ARHGAP12: variants seen among roughly 807,000 people sequenced by gnomAD.
The protein encoded by ARHGAP12 is Rho GTPase activating protein 12.
A neutral mutation model predicts 108.6 loss-of-function variants in ARHGAP12; 64 were observed. The ratio of observed to expected loss-of-function variants is 0.59; its 90% CI spans 0.48 to 0.73. The LOEUF is 0.73. Ranked by LOEUF, ARHGAP12 falls within the 30% of genes least tolerant of loss-of-function variation. ARHGAP12 has a pLI of 0.00. For missense variants in ARHGAP12, 940 were observed against 1,005.9 expected, an observed-to-expected ratio of 0.93 and a Z score of 0.89; for synonymous variants, 312 against 337.2, an observed-to-expected ratio of 0.93 and a Z score of 0.82.
intron 4 of ARHGAP12, among the ~76,000 whole-genome samples, chr10:31,860,155 C>T (rs939923676): frequency 6.6e-6 from 1 of 152,110 alleles, no homozygotes; most frequent in African/African-American, 2.4e-5. Context: ...CAAATTATTA[C>T]CAAACTAAAG....
chr10:31,907,563 G>A (rs1592368508), intron 3 of ARHGAP12, among the ~76,000 whole-genome samples: 1 of 151,306 alleles, frequency 6.6e-6, no homozygotes, highest in South Asian at 2.1e-4. Context: ...GAGCCCAGGA[G>A]GTGAAGGCTG....
chr10:31,855,846 C>T (rs942950106), intron 4 of ARHGAP12, among the ~76,000 whole-genome samples: 1 of 152,140 alleles, frequency 6.6e-6, no homozygotes, highest in African/African-American at 2.4e-5. Context: ...AAAGTAACCT[C>T]CAATATCTTC....
intron 11 of ARHGAP12, among the ~76,000 whole-genome samples, chr10:31,820,846 A>C (rs1378813658): frequency 1.3e-5 from 2 of 151,778 alleles, no homozygotes; most frequent in Non-Finnish European, 2.9e-5. Flanking sequence ...TGGGATATAA[A>C]CTGGAACTAC....
chr10:31,861,777 A>T, intron 3 of ARHGAP12, 119 bp from the exon 4 acceptor site: 11 of 863,676 alleles, frequency 1.3e-5, no homozygotes, highest in Non-Finnish European at 1.9e-5. Flanking sequence ...TATACAGGTG[A>T]ATATATTCTG....
At chr10:31,872,490 T>A (rs1035095702) in intron 3 of ARHGAP12, among the ~76,000 whole-genome samples, 1 of 152,182 alleles carries the variant, frequency 6.6e-6, no homozygotes, top group African/African-American at 2.4e-5. Context: ...GTCATCTGTA[T>A]CTCCTCTCTT....
At chr10:31,815,641 C>T (rs773179691) in intron 13 of ARHGAP12, among the ~76,000 whole-genome samples, 1 of 152,104 alleles carries the variant, frequency 6.6e-6, no homozygotes, top group Non-Finnish European at 1.5e-5. Flanking sequence ...TCAAAAATCT[C>T]GAATCTGTAA....
At chr10:31,871,799 A>T (rs1349844251) in intron 3 of ARHGAP12, among the ~76,000 whole-genome samples, 2 of 152,194 alleles carry the variant, frequency 1.3e-5, no homozygotes, top group Non-Finnish European at 2.9e-5. Flanking sequence ...CACAGTGAAA[A>T]GGAATGAAGG....
At chr10:31,895,011 T>C (rs1213393971) in intron 3 of ARHGAP12, among the ~76,000 whole-genome samples, 10 of 152,212 alleles carry the variant, frequency 6.6e-5, no homozygotes, top group Middle Eastern at 3.2e-3. Context: ...GGATTCCCTA[T>C]TTAATAAATG....
Position 31,809,049 on chromosome 10 carries a change from T to G in ARHGAP12, c.2208A>C (p.Glu736Asp). Reference sequence around the variant, plus strand: ...TAAATGTAAAAAGAGGTTCTGGTAATTCTCGAAAAAACATTTTGAGGGCTC... The same window carrying G: ...TAAATGTAAAAAGAGGTTCTGGTAAGTCTCGAAAAAACATTTTGAGGGCTC... The part of the protein sequence containing the change: ...ITGALKMFFR[E>D]LPEPLFTFNH... The change falls in exon 18 of 20, where the codon GAA becomes GAC. Residue 736 changes from glutamate to aspartate, a missense_variant. Glu to Asp is a conservative substitution (Grantham distance 45). Coordinates refer to ENST00000344936, the MANE Select transcript of ARHGAP12 (RefSeq NM_018287.7). The G allele has an allele frequency of 6.2e-7, 1 of 1,608,414 alleles. No homozygotes were observed. Among genetic ancestry groups the G allele is most frequent in the Non-Finnish European group, 8.5e-7 (1 of 1,175,450 alleles).
chr10:31,831,655 T>C (rs1284015612), intron 10 of ARHGAP12, 84 bp downstream of exon 10: 5 of 864,690 alleles, frequency 5.8e-6, no homozygotes, highest in Non-Finnish European at 8.6e-6. Flanking sequence ...CAGCACCTAT[T>C]GTTTATACTA....
intron 16 of ARHGAP12, among the ~76,000 whole-genome samples, chr10:31,810,370 C>T (rs1310438847): frequency 1.3e-5 from 2 of 152,146 alleles, no homozygotes; most frequent in African/African-American, 4.8e-5. Context: ...CTACCTTCTT[C>T]ATTTTAAGCA....
chr10:31,866,292 TA>T (rs1837317675), intron 3 of ARHGAP12, among the ~76,000 whole-genome samples: 1 of 152,208 alleles, frequency 6.6e-6, no homozygotes, highest in Non-Finnish European at 1.5e-5. Context: ...AAGAAGTTTT[TA>T]AAGACTTCAG....
At chr10:31,836,353 C>T (rs1359143748) in intron 9 of ARHGAP12, among the ~76,000 whole-genome samples, 1 of 151,964 alleles carries the variant, frequency 6.6e-6, no homozygotes, top group Admixed American at 6.6e-5. Context: ...CCACAAAAAC[C>T]TATTTAATCC....
intron 3 of ARHGAP12, among the ~76,000 whole-genome samples, chr10:31,881,350 A>G (rs1280045684): frequency 6.6e-6 from 1 of 152,196 alleles, no homozygotes; most frequent in Non-Finnish European, 1.5e-5. Context: ...CCACAGACAC[A>G]TAAGAGGCCA....
chr10:31,843,899 T>C (rs993863469), intron 6 of ARHGAP12, among the ~76,000 whole-genome samples: 2 of 152,186 alleles, frequency 1.3e-5, no homozygotes, highest in East Asian at 1.9e-4. Flanking sequence ...GGAGTTGCTA[T>C]AAAGATCAAA....
intron 14 of ARHGAP12, 33 bp from the exon 15 acceptor site, chr10:31,812,856 T>TA: frequency 7.5e-7 from 1 of 1,328,162 alleles, no homozygotes; most frequent in Non-Finnish European, 1.0e-6. Context: ...TGAGCATTTG[T>TA]AAAAATAAAG....
Position 31,852,671 on chromosome 10 carries a change from T to C in ARHGAP12, c.1090-74A>G, listed in dbSNP as rs192536273. On this transcript the variant is annotated intron_variant, in intron 5 of 19. Coordinates refer to ENST00000344936, the MANE Select transcript of ARHGAP12 (RefSeq NM_018287.7). ...TTTAAGCTACTACTATCAGAGATAC[T>C]AGATTTAATTCTTATGAATTTTATT... The C allele has an allele frequency of 6.3e-3, 5,697 of 898,896 alleles. 32 individuals carry two copies. Among genetic ancestry groups the C allele is most frequent in the Non-Finnish European group, 7.7e-3 (4,286 of 556,972 alleles). 55.7% of individuals were successfully genotyped at this position (898,896 alleles called of 1,614,324 possible).
At position 31,908,960 on chromosome 10, in the gene ARHGAP12, A is replaced by G. The variant is rs552212052; in HGVS notation, c.-71-34T>C. ...TTTAAATGGAGAAAGAGAATGAAGA[A>G]AAAAGTTAATGCAATCTGGATTTCG... On this transcript the variant is annotated intron_variant, in intron 2 of 19. Transcript: ENST00000344936. The G allele has an allele frequency of 1.8e-6, 2 of 1,140,324 alleles. 1 individual carries two copies. Among genetic ancestry groups the G allele is most frequent in the Admixed American group, 4.8e-5 (2 of 42,026 alleles). 70.6% of individuals were successfully genotyped at this position (1,140,324 alleles called of 1,614,324 possible). A position where few individuals can be genotyped will look rare whatever the true frequency, so the allele number is the denominator to read the frequency against.
chr10:31,818,514 G>T (rs1323448771), intron 12 of ARHGAP12, among the ~76,000 whole-genome samples: 8 of 152,122 alleles, frequency 5.3e-5, no homozygotes, highest in African/African-American at 1.9e-4. Context: ...CTGTTTTGCA[G>T]TTTCTTAAAC....
Sources: gnomAD v4.1 joint callset for allele counts (sites outside exome capture counted in the v4.1 genomes callset) on GRCh38, gnomAD v4.1.1 for gene constraint, MANE v1.5 for transcripts, NCBI Gene and HGNC (gene_info 2026-07-23, HGNC 2026-07-21) for gene names.